Variants in FGF2 observed in about 807,000 individuals in gnomAD.
The protein encoded by FGF2 is basic fibroblast growth factor bFGF.
In FGF2, 13 loss-of-function variants were observed where a neutral mutation model predicts 15.9. That is an observed-to-expected ratio of 0.82 (90% CI 0.53 to 1.30). The LOEUF is 1.30. Ranked by LOEUF, FGF2 falls within the 50% of genes most tolerant of loss-of-function variation. FGF2 has a pLI of 0.00. For missense variants in FGF2, 163 were observed against 196.9 expected (o/e 0.83, Z 1.03); for synonymous variants, 90 against 78.4 (o/e 1.15, Z -0.78).
intron 1 of FGF2, among the ~76,000 whole-genome samples, chr4:122,830,372 AGAT>A (rs1725738515): frequency 6.6e-6 from 1 of 152,018 alleles, no homozygotes; most frequent in South Asian, 2.1e-4. Flanking sequence ...AGGTAGGAGA[AGAT>A]GACACAACAC....
chr4:122,877,469 C>T (rs1726879938), intron 2 of FGF2, among the ~76,000 whole-genome samples: 1 of 152,146 alleles, frequency 6.6e-6, no homozygotes, highest in African/African-American at 2.4e-5. Flanking sequence ...GGTCCTAGTT[C>T]CTGGCTAGTA....
chr4:122,833,580 C>T (rs1292024907), intron 1 of FGF2, among the ~76,000 whole-genome samples: 2 of 152,044 alleles, frequency 1.3e-5, no homozygotes, highest in Non-Finnish European at 2.9e-5. Flanking sequence ...GATGCTGGCA[C>T]CTTAAGGTAG....
At chr4:122,866,141 G>A (rs538606636) in intron 1 of FGF2, among the ~76,000 whole-genome samples, 2 of 152,168 alleles carry the variant, frequency 1.3e-5, no homozygotes, top group African/African-American at 4.8e-5. Context: ...AGGCCGAGGC[G>A]GGCGGATCAC....
intron 1 of FGF2, among the ~76,000 whole-genome samples, chr4:122,836,593 C>G (rs308403): frequency 6.6e-6 from 1 of 151,992 alleles, no homozygotes; most frequent in Non-Finnish European, 1.5e-5. Flanking sequence ...TTTACTCTTT[C>G]CTATTCTGAG....
chr4:122,831,797 A>T (rs930415684), intron 1 of FGF2, among the ~76,000 whole-genome samples: 6 of 152,240 alleles, frequency 3.9e-5, no homozygotes, highest in Non-Finnish European at 7.3e-5. Context: ...TTAGACTTTG[A>T]CAATGGTGTA....
intron 1 of FGF2, among the ~76,000 whole-genome samples, chr4:122,841,436 G>A (rs1361556237): frequency 6.6e-6 from 1 of 152,182 alleles, no homozygotes; most frequent in African/African-American, 2.4e-5. Context: ...GACACTTGAT[G>A]TCAGAAACTG....
intron 1 of FGF2, among the ~76,000 whole-genome samples, chr4:122,842,266 G>C (rs1305951145): frequency 6.6e-6 from 1 of 152,130 alleles, no homozygotes; most frequent in Admixed American, 6.5e-5. Context: ...TTTTAACCTG[G>C]GAGTTCATGG....
Position 122,897,694 on chromosome 4 carries a change from A to G in FGF2, c.*5298A>G. On this transcript the variant is annotated 3_prime_UTR_variant, in exon 3 of 3. Transcript: ENST00000644866. ...TATTTTTCAACTGCAGTATAAAGTC[A>G]GAAAATAAAGTTAACATAACTTTCA... 6.4e-7 allele frequency: 1 copy of G among 1,572,012 alleles called. No homozygotes were observed. The highest frequency in any genetic ancestry group is 8.8e-7 in the Non-Finnish European group (1 of 1,141,748).
intron 1 of FGF2, among the ~76,000 whole-genome samples, chr4:122,828,466 C>T (rs1725694647): frequency 6.6e-6 from 1 of 152,152 alleles, no homozygotes; most frequent in African/African-American, 2.4e-5. Context: ...TTATGGGTTC[C>T]AGGTGGAGAA....
At chr4:122,880,697 C>G (rs1432547107) in intron 2 of FGF2, among the ~76,000 whole-genome samples, 1 of 152,220 alleles carries the variant, frequency 6.6e-6, no homozygotes, top group Non-Finnish European at 1.5e-5. Flanking sequence ...CAGCTGCCTT[C>G]ACAGGCTGGC....
chr4:122,871,708 A>G (rs1208168773), intron 1 of FGF2, among the ~76,000 whole-genome samples: 1 of 151,296 alleles, frequency 6.6e-6, no homozygotes, highest in Non-Finnish European at 1.5e-5. Flanking sequence ...AGCAAATCAG[A>G]TAGAATAGGG....
Position 122,893,960 on chromosome 4 carries a change from G to A in FGF2, c.*1564G>A, listed in dbSNP as rs183122876. On this transcript the variant is annotated 3_prime_UTR_variant, in exon 3 of 3. Coordinates refer to ENST00000644866, the MANE Select transcript of FGF2 (RefSeq NM_001361665.2). ...GACAAAGATTTTTGTTCCAATACTC[G>A]TTTTGCCTCTATTTTTCTTGTTTGT... 2 of 152,264 alleles carry A rather than the reference G, an allele frequency of 1.3e-5. No individual in the cohort carries two copies. Among genetic ancestry groups the A allele is most frequent in the African/African-American group, 2.4e-5 (1 of 41,540 alleles). The allele number at this position is 152,264 out of a possible 1,614,324, so 9.4% of individuals were successfully genotyped here. A position where few individuals can be genotyped will look rare whatever the true frequency, so the allele number is the denominator to read the frequency against.
chr4:122,868,940 C>T (rs1465331119), intron 1 of FGF2, among the ~76,000 whole-genome samples: 3 of 152,102 alleles, frequency 2.0e-5, no homozygotes, highest in African/African-American at 7.2e-5. Context: ...CTGTTCATAT[C>T]CTTTGCCCAC....
intron 1 of FGF2, among the ~76,000 whole-genome samples, chr4:122,872,749 C>A (rs1726766315): frequency 6.6e-6 from 1 of 152,134 alleles, no homozygotes; most frequent in African/African-American, 2.4e-5. Flanking sequence ...AAATTTTCAA[C>A]CCAGAATTTC....
chr4:122,851,956 T>C (rs1726240372), intron 1 of FGF2, among the ~76,000 whole-genome samples: 1 of 152,220 alleles, frequency 6.6e-6, no homozygotes, highest in Non-Finnish European at 1.5e-5. Context: ...ATGTTGGTAT[T>C]GTTGTGATGA....
intron 1 of FGF2, among the ~76,000 whole-genome samples, chr4:122,843,509 T>C (rs1043741152): frequency 2.0e-5 from 3 of 152,072 alleles, no homozygotes; most frequent in Non-Finnish European, 4.4e-5. Flanking sequence ...CTGGCGGGTG[T>C]GTGTAATAGA....
At chr4:122,831,336 C>T (rs1725762169) in intron 1 of FGF2, among the ~76,000 whole-genome samples, 1 of 152,020 alleles carries the variant, frequency 6.6e-6, no homozygotes, top group Non-Finnish European at 1.5e-5. Flanking sequence ...GCTGCTAGCC[C>T]CTTTGAAGAG....
At chr4:122,875,709 A>T (rs1726832401) in intron 1 of FGF2, among the ~76,000 whole-genome samples, 1 of 152,162 alleles carries the variant, frequency 6.6e-6, no homozygotes, top group Non-Finnish European at 1.5e-5. Flanking sequence ...TGGGAGACTG[A>T]GGCAGGAGAA....
chr4:122,859,906 T>C (rs925772076), intron 1 of FGF2, among the ~76,000 whole-genome samples: 4 of 152,234 alleles, frequency 2.6e-5, no homozygotes, highest in Non-Finnish European at 2.9e-5. Flanking sequence ...ATCTAGTGAA[T>C]ACTTTTCAGT....
Sources: gnomAD v4.1 joint callset for allele counts (sites outside exome capture counted in the v4.1 genomes callset) on GRCh38, gnomAD v4.1.1 for gene constraint, MANE v1.5 for transcripts, NCBI Gene and HGNC (gene_info 2026-07-23, HGNC 2026-07-21) for gene names.